SAMD5: variants seen among roughly 807,000 people sequenced by gnomAD.
SAMD5 encodes sterile alpha motif domain-containing protein 5.
A neutral mutation model predicts 11.3 loss-of-function variants in SAMD5; 13 were observed. The observed-to-expected ratio is 1.15, with a 90% CI of 0.75 to 1.83. The LOEUF is 1.83. Ranked by LOEUF, SAMD5 falls within the 40% of genes most tolerant of loss-of-function variation. The pLI, the probability that SAMD5 is intolerant of heterozygous loss-of-function variation, is 0.00. For synonymous variants in SAMD5, 129 were observed against 111.3 expected, an observed-to-expected ratio of 1.16 and a Z score of -1.00; for missense variants, 255 against 239.1, an observed-to-expected ratio of 1.07 and a Z score of -0.44.
rs1182899869 is a variant in SAMD5 at position 147,570,011 on chromosome 6, C to T, written c.*5555C>T. 2.7e-5 allele frequency: 27 copies of T among 985,276 alleles called. No homozygotes were observed. The highest frequency in any genetic ancestry group is 3.1e-5 in the Non-Finnish European group (26 of 829,898). The allele number at this position is 985,276 out of a possible 1,614,324, so 61.0% of individuals were successfully genotyped here. ...GTCCGCTCTTCAATAAATGTTACGGCTTTCACAGCGGTTCCGCCTTGGCCT... is the reference window on the plus strand; with the variant it reads ...GTCCGCTCTTCAATAAATGTTACGGTTTTCACAGCGGTTCCGCCTTGGCCT... On this transcript the variant is annotated 3_prime_UTR_variant, in exon 2 of 2. Transcript: ENST00000367474.
chr6:147,646,890 T>A (rs974898), intron 1 of SAMD5, among the ~76,000 whole-genome samples: 113,868 of 150,972 alleles, frequency 0.75, 43,670 homozygotes, highest in African/African-American at 0.9. Flanking sequence ...GTAATCCCAG[T>A]ACTTTGGGAG....
At chr6:147,940,486 G>T in the SAMD5 span, among the ~76,000 whole-genome samples, 2 of 152,262 alleles carry the variant, frequency 1.3e-5, no homozygotes, top group East Asian at 1.9e-4. Flanking sequence ...GGGCTGCATT[G>T]CAGCTTTTCT....
downstream of SAMD5, chr6:147,741,872 G>A (rs1266087450): frequency 2.0e-5 from 3 of 152,090 alleles, no homozygotes; most frequent in East Asian, 5.8e-4. Context: ...CTTTGAAGAG[G>A]TTTAGTAAGA....
At chr6:147,873,816 A>G in the SAMD5 span, among the ~76,000 whole-genome samples, 1 of 152,208 alleles carries the variant, frequency 6.6e-6, no homozygotes, top group Non-Finnish European at 1.5e-5. Flanking sequence ...TCATTGAGCT[A>G]GCTACAGTGG....
intron 1 of SAMD5, among the ~76,000 whole-genome samples, chr6:147,625,974 G>A (rs1333816341): frequency 6.6e-6 from 1 of 152,134 alleles, no homozygotes. Context: ...CTTGTTTGCT[G>A]TTAAGGGTAG....
the SAMD5 span, among the ~76,000 whole-genome samples, chr6:147,795,528 G>A: frequency 1.6e-4 from 24 of 150,390 alleles, no homozygotes; most frequent in South Asian, 4.2e-4. Flanking sequence ...ATAAACATAC[G>A]TGTGCATGTG....
the SAMD5 span, among the ~76,000 whole-genome samples, chr6:147,924,797 A>T: frequency 2.3e-4 from 34 of 150,656 alleles, no homozygotes; most frequent in Non-Finnish European, 3.6e-4. Context: ...TAAATAAATA[A>T]ATAAATAAAT....
At chr6:147,891,767 C>T in the SAMD5 span, among the ~76,000 whole-genome samples, 2 of 151,792 alleles carry the variant, frequency 1.3e-5, no homozygotes, top group African/African-American at 2.4e-5. Flanking sequence ...TGCTTTCCAC[C>T]GTGACAGAGT....
the SAMD5 span, among the ~76,000 whole-genome samples, chr6:147,808,620 T>A: frequency 6.6e-6 from 1 of 152,202 alleles, no homozygotes; most frequent in African/African-American, 2.4e-5. Context: ...TTCTTTAGGA[T>A]TGGGTCTGTT....
chr6:147,920,084 G>A, the SAMD5 span, among the ~76,000 whole-genome samples: 1 of 152,144 alleles, frequency 6.6e-6, no homozygotes, highest in Non-Finnish European at 1.5e-5. Flanking sequence ...CAACTTGATT[G>A]GATTGAAGGA....
chr6:147,662,235 A>G (rs1474524333), intron 1 of SAMD5, among the ~76,000 whole-genome samples: 2 of 152,216 alleles, frequency 1.3e-5, no homozygotes, highest in African/African-American at 4.8e-5. Flanking sequence ...TCAATGACAC[A>G]GCTGAAGTCC....
chr6:147,526,457 A>G (rs1312658884), intron 1 of SAMD5, among the ~76,000 whole-genome samples: 1 of 152,354 alleles, frequency 6.6e-6, no homozygotes, highest in Admixed American at 6.5e-5. Context: ...GTAAGTAAAC[A>G]TAACATTTCA....
the SAMD5 span, among the ~76,000 whole-genome samples, chr6:147,863,838 C>CTTTT: frequency 1.1e-4 from 10 of 90,910 alleles, no homozygotes; most frequent in South Asian, 4.2e-4. Flanking sequence ...TTTCTTTCCA[C>CTTTT]TTTTTTTTTT....
In SAMD5 at chr6:147,565,191, T is replaced by C; in HGVS notation, c.*735T>C. 2.0e-6 allele frequency: 2 copies of C among 985,844 alleles called. No homozygotes were observed. Among genetic ancestry groups the C allele is most frequent in the Non-Finnish European group, 2.4e-6 (2 of 829,920 alleles). The allele number at this position is 985,844 out of a possible 1,614,324, so 61.1% of individuals were successfully genotyped here. On this transcript the variant is annotated 3_prime_UTR_variant, in exon 2 of 2. Transcript: ENST00000367474. Reference sequence around the variant, plus strand: ...TGCATCAAGCAAGAGCTAGCTATTTTACTTCATAGCTAGTTTCTTGCACTC... The same window carrying C: ...TGCATCAAGCAAGAGCTAGCTATTTCACTTCATAGCTAGTTTCTTGCACTC...
At chr6:147,718,444 C>T (rs576522260) in intron 1 of SAMD5, among the ~76,000 whole-genome samples, 6 of 152,250 alleles carry the variant, frequency 3.9e-5, no homozygotes, top group South Asian at 4.2e-4. Context: ...GGAAAGCTGC[C>T]GAAGTGTGTC....
chr6:147,757,518 T>TA, the SAMD5 span, among the ~76,000 whole-genome samples: 1 of 152,200 alleles, frequency 6.6e-6, no homozygotes, highest in Non-Finnish European at 1.5e-5. Context: ...ATGTCACATA[T>TA]AAGCCAACAC....
chr6:147,919,567 A>G, the SAMD5 span, among the ~76,000 whole-genome samples: 1 of 152,212 alleles, frequency 6.6e-6, no homozygotes, highest in South Asian at 2.1e-4. Context: ...ATGTGTTGCC[A>G]CTCTTTCATG....
chr6:147,784,950 C>T, the SAMD5 span, among the ~76,000 whole-genome samples: 4 of 152,010 alleles, frequency 2.6e-5, no homozygotes, highest in Admixed American at 2.6e-4. Flanking sequence ...AATGCTAAAC[C>T]AGCAAATATA....
chr6:147,567,173 G>A lies in SAMD5; in HGVS notation c.*2717G>A, dbSNP rs573799681. Reference sequence around the variant, plus strand: ...ATTTTATTCACATAAAAGATTTCTTGGCATAGGGAAGGCGTAATGTTAAGG... The same window carrying A: ...ATTTTATTCACATAAAAGATTTCTTAGCATAGGGAAGGCGTAATGTTAAGG... On this transcript the variant is annotated 3_prime_UTR_variant, in exon 2 of 2. Coordinates refer to ENST00000367474, the MANE Select transcript of SAMD5 (RefSeq NM_001030060.3). The A allele has an allele frequency of 5.4e-5, 53 of 985,184 alleles. No homozygotes were observed. In the South Asian group the frequency reaches 2.2e-3, roughly 40 times the overall value. The allele number at this position is 985,184 out of a possible 1,614,324, so 61.0% of individuals were successfully genotyped here.
Sources: allele counts gnomAD v4.1 joint callset (sites outside exome capture counted in the v4.1 genomes callset), GRCh38; gene constraint gnomAD v4.1.1; transcripts MANE v1.5; gene names NCBI Gene and HGNC (gene_info 2026-07-23, HGNC 2026-07-21).